Variants in MCTP1 observed in about 807,000 individuals in gnomAD.
MCTP1 encodes the protein multiple C2 and transmembrane domain-containing protein 1.
In MCTP1, 69 loss-of-function variants were observed where a neutral mutation model predicts 120.6. The observed-to-expected ratio is 0.57, with a 90% CI of 0.47 to 0.70. The LOEUF (loss-of-function observed/expected upper bound fraction) is 0.70. Among genes scored for constraint, MCTP1 ranks in the 30% least tolerant of loss-of-function variants. The pLI is 0.00. For missense variants in MCTP1, 1,203 were observed against 1,248.8 expected (o/e 0.96, Z 0.55); for synonymous variants, 529 against 493.1 (o/e 1.07, Z -0.96).
rs908921587 is a variant in MCTP1, at chr5:94,739,504, G to A, written c.2611-24618C>T. Reference sequence around the variant, plus strand: ...ACAAGGCTTCAATGGCATGGCATTCGAATAAGAAGATGAGTTGATCTTAAT... The same window carrying A: ...ACAAGGCTTCAATGGCATGGCATTCAAATAAGAAGATGAGTTGATCTTAAT... On this transcript the variant is annotated intron_variant, in intron 19 of 22. Coordinates refer to ENST00000515393, the MANE Select transcript of MCTP1 (RefSeq NM_024717.7). The A allele has an allele frequency of 9.9e-5, 15 of 152,252 alleles. 1 individual carries two copies. The South Asian group carries it at 2.1e-3, about 21-fold the overall frequency. The allele number at this position is 152,252 out of a possible 1,614,324, so 9.4% of individuals were successfully genotyped here.
chr5:95,077,929 C>G (rs1205957353), intron 1 of MCTP1, among the ~76,000 whole-genome samples: 1 of 151,940 alleles, frequency 6.6e-6, no homozygotes, highest in African/African-American at 2.4e-5. Flanking sequence ...TACATCATTC[C>G]TCTGGGCCCA....
intron 17 of MCTP1, among the ~76,000 whole-genome samples, chr5:94,860,753 G>C (rs1410192017): frequency 6.6e-6 from 1 of 151,380 alleles, no homozygotes; most frequent in Non-Finnish European, 1.5e-5. Context: ...GCTGGGGCGG[G>C]GGGGAAGCAA....
intron 1 of MCTP1, among the ~76,000 whole-genome samples, chr5:95,059,778 G>A (rs764914969): frequency 2.6e-5 from 4 of 152,146 alleles, no homozygotes; most frequent in Non-Finnish European, 5.9e-5. Context: ...TCATGGGATG[G>A]GTGAGGGAAG....
intron 1 of MCTP1, among the ~76,000 whole-genome samples, chr5:95,098,941 A>C (rs1241514530): frequency 2.6e-5 from 4 of 152,192 alleles, no homozygotes; most frequent in Non-Finnish European, 5.9e-5. Flanking sequence ...TTAATGGAAC[A>C]GAACAGAGCC....
At chr5:95,043,550 T>A (rs540673190) in intron 1 of MCTP1, among the ~76,000 whole-genome samples, 5 of 152,176 alleles carry the variant, frequency 3.3e-5, no homozygotes, top group Non-Finnish European at 5.9e-5. Flanking sequence ...AAATGGAGCA[T>A]GAAAATATTG....
At chr5:94,805,319 A>G (rs1407405740) in intron 17 of MCTP1, among the ~76,000 whole-genome samples, 2 of 151,952 alleles carry the variant, frequency 1.3e-5, no homozygotes, top group Non-Finnish European at 2.9e-5. Context: ...TTTTTTGAAA[A>G]GTTTTAATTT....
chr5:94,902,568 C>A (rs1805804873), intron 10 of MCTP1, among the ~76,000 whole-genome samples: 1 of 151,992 alleles, frequency 6.6e-6, no homozygotes, highest in South Asian at 2.1e-4. Flanking sequence ...ATGTATGAAG[C>A]TTTTTGAGAT....
At chr5:94,789,158 G>C (rs572413802) in intron 18 of MCTP1, 1 of 152,312 alleles carries the variant, frequency 6.6e-6, no homozygotes, top group East Asian at 1.9e-4. Flanking sequence ...GTACCTCTTT[G>C]CCTCATCATA....
chr5:94,753,888 G>A (rs1034654309), intron 19 of MCTP1, among the ~76,000 whole-genome samples: 1 of 152,114 alleles, frequency 6.6e-6, no homozygotes, highest in African/African-American at 2.4e-5. Context: ...TTGGTGCACT[G>A]GCCCCCAGGA....
At chr5:95,048,535 G>T (rs1745122583) in intron 1 of MCTP1, among the ~76,000 whole-genome samples, 1 of 152,102 alleles carries the variant, frequency 6.6e-6, no homozygotes, top group Admixed American at 6.6e-5. Context: ...TTGTCAGAAG[G>T]TAACAGTTCA....
chr5:95,062,266 G>T (rs1403439081), intron 1 of MCTP1, among the ~76,000 whole-genome samples: 63 of 152,140 alleles, frequency 4.1e-4, no homozygotes. Context: ...GAATCTATGT[G>T]CATTCTTTAT....
intron 1 of MCTP1, among the ~76,000 whole-genome samples, chr5:95,110,512 T>C (rs1478356055): frequency 6.6e-6 from 1 of 152,146 alleles, no homozygotes; most frequent in Non-Finnish European, 1.5e-5. Context: ...AATATCTAAA[T>C]TGGATGTTAT....
At chr5:94,871,157 A>T (rs1797782916) in intron 14 of MCTP1, among the ~76,000 whole-genome samples, 158 bp downstream of exon 14, 1 of 152,054 alleles carries the variant, frequency 6.6e-6, no homozygotes, top group Non-Finnish European at 1.5e-5. Flanking sequence ...CATGGGATTC[A>T]ACATGGCCGT....
At chr5:94,809,129 A>G (rs1256353323) in intron 17 of MCTP1, among the ~76,000 whole-genome samples, 2 of 152,136 alleles carry the variant, frequency 1.3e-5, no homozygotes, top group Non-Finnish European at 2.9e-5. Context: ...ATGGACCCAA[A>G]CAGCCTTAAA....
chr5:95,174,247 GA>G (rs1353986837), intron 1 of MCTP1, among the ~76,000 whole-genome samples: 1 of 151,988 alleles, frequency 6.6e-6, no homozygotes, highest in Non-Finnish European at 1.5e-5. Flanking sequence ...CCAAAATGAA[GA>G]CCATGTATCA....
At chr5:94,714,984 A>C (rs770877969) in intron 19 of MCTP1, 98 bp from the exon 20 acceptor site, 226 of 744,318 alleles carry the variant, frequency 3.0e-4, no homozygotes, top group Non-Finnish European at 4.7e-4. Context: ...AAACTTAAAT[A>C]AACTTCATTT....
chr5:94,867,532 G>A, intron 17 of MCTP1: 21 of 522,902 alleles, frequency 4.0e-5, no homozygotes, highest in South Asian at 1.2e-4. Flanking sequence ...GCAACTATAA[G>A]GAAGCATAAG....
At chr5:94,926,156 C>A (rs1473947827) in intron 6 of MCTP1, among the ~76,000 whole-genome samples, 2 of 152,154 alleles carry the variant, frequency 1.3e-5, no homozygotes, top group African/African-American at 2.4e-5. Context: ...AATTAGACAA[C>A]AAGCTTTTAT....
intron 1 of MCTP1, among the ~76,000 whole-genome samples, chr5:95,264,890 AG>A (rs1427955085): frequency 6.6e-6 from 1 of 152,156 alleles, no homozygotes; most frequent in Non-Finnish European, 1.5e-5. Flanking sequence ...GAAAGGTGGC[AG>A]GGGGTGGTGG....
Sources: gnomAD v4.1 joint callset for allele counts (sites outside exome capture counted in the v4.1 genomes callset) on GRCh38, gnomAD v4.1.1 for gene constraint, MANE v1.5 for transcripts, NCBI Gene and HGNC (gene_info 2026-07-23, HGNC 2026-07-21) for gene names.